Variants in PTBP2 observed in about 807,000 individuals in gnomAD.
PTBP2 encodes the protein polypyrimidine tract binding protein 2, also known as polypyrimidine tract-binding protein 2.
Under a neutral mutation model 61.4 loss-of-function variants are expected in PTBP2, and 13 were observed. The ratio of observed to expected loss-of-function variants is 0.21; its 90% CI spans 0.14 to 0.34. The LOEUF is 0.34. Among genes scored for constraint, PTBP2 ranks in the 10% least tolerant of loss-of-function variants. PTBP2 has a pLI of 1.00. For missense variants in PTBP2, 405 were observed against 642.6 expected, an observed-to-expected ratio of 0.63 and a Z score of 4.00; for synonymous variants, 215 against 218.5, an observed-to-expected ratio of 0.98 and a Z score of 0.14.
At chr1:96,784,822 G>GC (rs372569347) in intron 7 of PTBP2, 235 of 408,494 alleles carry the variant, frequency 5.8e-4, no homozygotes, top group African/African-American at 4.2e-3. Flanking sequence ...TAGCATGGAT[G>GC]CTTAGCTGGT....
At chr1:96,729,459 A>G (rs1651071026) in intron 2 of PTBP2, among the ~76,000 whole-genome samples, 1 of 152,100 alleles carries the variant, frequency 6.6e-6, no homozygotes, top group South Asian at 2.1e-4. Context: ...AGAAGTGTTG[A>G]GAGAATATCT....
chr1:96,788,226 A>C (rs1659415439), intron 8 of PTBP2, among the ~76,000 whole-genome samples: 1 of 152,142 alleles, frequency 6.6e-6, no homozygotes, highest in Non-Finnish European at 1.5e-5. Flanking sequence ...TAAAATGCAT[A>C]GTAAGGATAT....
At chr1:96,744,768 G>A (rs1249477646) in intron 2 of PTBP2, among the ~76,000 whole-genome samples, 1 of 152,062 alleles carries the variant, frequency 6.6e-6, no homozygotes, top group African/African-American at 2.4e-5. Context: ...CTACCATTTT[G>A]ATTATGGTTT....
chr1:96,747,096 A>C, intron 2 of PTBP2, among the ~76,000 whole-genome samples: 1 of 149,948 alleles, frequency 6.7e-6, no homozygotes, highest in Admixed American at 6.7e-5. Flanking sequence ...TCCCCCCACC[A>C]CTAGTTCCCA....
chr1:96,772,164 A>G (rs1657456959), intron 5 of PTBP2, among the ~76,000 whole-genome samples: 1 of 152,106 alleles, frequency 6.6e-6, no homozygotes, highest in Admixed American at 6.6e-5. Context: ...GACCAGCTTC[A>G]AGTTGGGGTT....
chr1:96,745,980 C>T (rs910508220), intron 2 of PTBP2, among the ~76,000 whole-genome samples: 1 of 151,592 alleles, frequency 6.6e-6, no homozygotes. Context: ...ACAGGAGAAT[C>T]GCTTGAACCC....
chr1:96,813,608 A>C lies in PTBP2; in HGVS notation c.*203A>C. 2.6e-6 allele frequency: 1 copy of C among 390,814 alleles called. No homozygotes were observed. Among genetic ancestry groups the C allele is most frequent in the Non-Finnish European group, 4.3e-6 (1 of 230,988 alleles). 24.2% of individuals were successfully genotyped at this position (390,814 alleles called of 1,614,324 possible). A position where few individuals can be genotyped will look rare whatever the true frequency, so the allele number is the denominator to read the frequency against. ...GCAGAGTTGTTAACTGCTATATTTC[A>C]TCTGTTCTATAGGGAAGCCATTTTG... On this transcript the variant is annotated 3_prime_UTR_variant, in exon 14 of 14. Coordinates refer to ENST00000674951, the MANE Select transcript of PTBP2 (RefSeq NM_021190.4).
intron 3 of PTBP2, among the ~76,000 whole-genome samples, chr1:96,758,810 A>T (rs758642991): frequency 1.1e-4 from 17 of 152,150 alleles, no homozygotes; most frequent in Non-Finnish European, 1.8e-4. Flanking sequence ...TTCTGCTTAC[A>T]TTAAGGCAGG....
intron 3 of PTBP2, among the ~76,000 whole-genome samples, chr1:96,760,440 C>CTTTTTTT (rs989047792): frequency 1.6e-4 from 13 of 83,080 alleles, no homozygotes; most frequent in African/African-American, 2.7e-4. Context: ...AAATAGTTTG[C>CTTTTTTT]TTTTTTTTTT....
intron 7 of PTBP2, among the ~76,000 whole-genome samples, chr1:96,784,346 G>A (rs1031472331): frequency 6.6e-6 from 1 of 151,996 alleles, no homozygotes; most frequent in Middle Eastern, 3.4e-3. Context: ...CTGTTTTCCC[G>A]ATTAAGAAAT....
At chr1:96,756,205 C>G (rs949348269) in intron 3 of PTBP2, among the ~76,000 whole-genome samples, 2 of 152,186 alleles carry the variant, frequency 1.3e-5, no homozygotes, top group African/African-American at 4.8e-5. Context: ...TCAAAACCAG[C>G]CTGGCCAACA....
At chr1:96,817,395 T>A (rs552936152), downstream of PTBP2, 1 of 152,248 alleles carries the variant, frequency 6.6e-6, no homozygotes, top group East Asian at 1.9e-4. Context: ...TTTTAAACCG[T>A]AATATTCATT....
intron 3 of PTBP2, among the ~76,000 whole-genome samples, chr1:96,754,450 T>G (rs573246746): frequency 6.6e-6 from 1 of 152,274 alleles, no homozygotes; most frequent in African/African-American, 2.4e-5. Context: ...GTTCTTATAT[T>G]TTACCTGAAG....
At chr1:96,818,226 G>A (rs1248461887), downstream of PTBP2, 2 of 151,898 alleles carry the variant, frequency 1.3e-5, no homozygotes, top group African/African-American at 4.8e-5. Flanking sequence ...TTGGTTTATT[G>A]TCTTGGTATG....
In PTBP2 at chr1:96,785,213, C is replaced by T; in HGVS notation, c.863C>T (p.Pro288Leu). The change falls in exon 8 of 14, where the codon CCA becomes CTA. Residue 288 changes from proline (P) to leucine (L), a missense_variant. Around this residue, in one of 4 missense-constraint regions of PTBP2, gnomAD observed 342 missense variants for 491.2 expected, o/e 0.70. Transcript: ENST00000674951. ...PSGDGQPALD[P>L]AIAAAFAKET... ...GGGGATGGACAACCTGCATTGGACC[C>T]AGCTATTGCTGCAGCATTTGCCAAG... is the stretch of plus-strand genomic sequence containing the variant. The T allele has an allele frequency of 6.2e-7, 1 of 1,602,520 alleles. No homozygotes were observed. The highest frequency in any genetic ancestry group is 8.5e-7 in the Non-Finnish European group (1 of 1,175,788).
At chr1:96,805,781 CTT>C (rs1661444150) in intron 9 of PTBP2, among the ~76,000 whole-genome samples, 3 of 152,042 alleles carry the variant, frequency 2.0e-5, no homozygotes, top group Admixed American at 2.0e-4. Flanking sequence ...ATCAGAGTGC[CTT>C]TGTTTTTATT....
At position 96,778,591 on chromosome 1, in the gene PTBP2, C is replaced by T. The variant is rs2101046682; in HGVS notation, c.708+645C>T. 2.6e-5 allele frequency among the ~76,000 whole-genome samples: 4 copies of T among 152,156 alleles called. No homozygotes were observed. In the Middle Eastern group the frequency reaches 0.014, roughly 518 times the overall value. On this transcript the variant is annotated intron_variant, in intron 7 of 13. Transcript: ENST00000674951. ...TGTATATCTTAAATCTACTTTTGCT[C>T]TGTCTCTTTAACTTTTTGTGCCATA...
intron 8 of PTBP2, among the ~76,000 whole-genome samples, chr1:96,794,220 G>T (rs1162325189): frequency 6.6e-6 from 1 of 152,112 alleles, no homozygotes; most frequent in African/African-American, 2.4e-5. Context: ...TATTTTTAAG[G>T]CCAAACAGCC....
chr1:96,773,762 G>T (rs1286086887), intron 5 of PTBP2, among the ~76,000 whole-genome samples: 3 of 151,632 alleles, frequency 2.0e-5, no homozygotes, highest in Non-Finnish European at 4.4e-5. Flanking sequence ...GGATCACGAG[G>T]TCAGGAGATC....
Sources: allele counts gnomAD v4.1 joint callset (sites outside exome capture counted in the v4.1 genomes callset), GRCh38; gene constraint gnomAD v4.1.1; regional missense constraint gnomAD v4.1.1; transcripts MANE v1.5; gene names NCBI Gene and HGNC (gene_info 2026-07-23, HGNC 2026-07-21).